The following PATJ variants were observed in gnomAD, a reference collection of about 807,000 sequenced individuals.
The protein encoded by PATJ is inaD-like protein.
A neutral mutation model predicts 224.9 loss-of-function variants in PATJ; 190 were observed. That is an observed-to-expected ratio of 0.84 (90% CI 0.75 to 0.95). The LOEUF (loss-of-function observed/expected upper bound fraction) is 0.95, where lower values mean the gene tolerates loss of function less well. Ranked by LOEUF, PATJ falls within the 40% of genes least tolerant of loss-of-function variation. The probability of loss-of-function intolerance (pLI) is 0.00; values close to 1 mark genes in which losing one functional copy is unlikely to be tolerated. For missense variants in PATJ, 2,121 were observed against 2,270.3 expected (o/e 0.93, Z 1.34); for synonymous variants, 769 against 820.3 (o/e 0.94, Z 1.07).
At chr1:62,063,843 C>T (rs1052812382) in intron 31 of PATJ, among the ~76,000 whole-genome samples, 2 of 152,078 alleles carry the variant, frequency 1.3e-5, no homozygotes, top group Admixed American at 6.6e-5. Flanking sequence ...GATTTTTGTT[C>T]ACTGATTTTG....
intron 9 of PATJ, among the ~76,000 whole-genome samples, chr1:61,792,604 C>T (rs1182161151): frequency 6.6e-6 from 1 of 151,758 alleles, no homozygotes; most frequent in Non-Finnish European, 1.5e-5. Flanking sequence ...GATCTTGGCT[C>T]ACTGCAACCT....
chr1:61,850,722 G>C (rs1360924054), intron 17 of PATJ, among the ~76,000 whole-genome samples: 2 of 152,204 alleles, frequency 1.3e-5, no homozygotes, highest in African/African-American at 4.8e-5. Flanking sequence ...TTCTGGCTCT[G>C]CCATTTACCA....
rs1254173506 is a variant in PATJ at position 61,813,368 on chromosome 1, TATATATATATAC to T, written c.1683+4840_1683+4851del. Among the ~76,000 whole-genome samples the T allele has an allele frequency of 1.0e-3, 47 of 46,134 alleles. 1 individual carries two copies. The highest frequency in any genetic ancestry group is 3.5e-3 in the African/African-American group (43 of 12,318). The allele number at this position is 46,134 out of a possible 152,430, so 30.3% of individuals were successfully genotyped here. On this transcript the variant is annotated intron_variant, in intron 14 of 43. Transcript: ENST00000642238. ...ATATATATATATATATATATATATA[TATATATATATAC>T]ACACACACACACACACACATACACA...
chr1:62,084,651 A>G lies in PATJ; in HGVS notation c.4377+3A>G. ...TGGGAGGAAAAGACACACCCTTGGTAAGTTTCTAGAAATAAAATGTATCCA... is the reference window on the plus strand; with the variant it reads ...TGGGAGGAAAAGACACACCCTTGGTGAGTTTCTAGAAATAAAATGTATCCA... On this transcript the variant is annotated splice_donor_region_variant and intron_variant, in intron 33 of 43. Transcript: ENST00000642238. 1 of 1,612,036 alleles carries G rather than the reference A, an allele frequency of 6.2e-7. No individual in the cohort carries two copies. Among genetic ancestry groups the G allele is most frequent in the East Asian group, 2.2e-5 (1 of 44,834 alleles).
chr1:62,012,243 A>T (rs1646497122), intron 28 of PATJ, among the ~76,000 whole-genome samples: 1 of 152,168 alleles, frequency 6.6e-6, no homozygotes, highest in African/African-American at 2.4e-5. Context: ...CATTCAGATG[A>T]TATGACCTCT....
chr1:62,127,934 A>G, intron 39 of PATJ, 38 bp from the exon 40 acceptor site: 2 of 1,610,594 alleles, frequency 1.2e-6, no homozygotes, highest in Non-Finnish European at 1.7e-6. Flanking sequence ...GTGGCTCTTT[A>G]TTAAATATAA....
chr1:62,131,468 G>A (rs890016963), intron 41 of PATJ, among the ~76,000 whole-genome samples: 4 of 152,086 alleles, frequency 2.6e-5, no homozygotes, highest in Non-Finnish European at 4.4e-5. Context: ...GTTCAGCTCT[G>A]TCTTCCTCAC....
At chr1:62,158,889 C>T (rs1395730129) in intron 43 of PATJ, among the ~76,000 whole-genome samples, 1 of 151,950 alleles carries the variant, frequency 6.6e-6, no homozygotes, top group African/African-American at 2.4e-5. Context: ...GTGGAGTTTG[C>T]AGTGAACCGA....
chr1:62,084,437 C>T, intron 32 of PATJ, 78 bp from the exon 33 acceptor site: 2 of 1,468,734 alleles, frequency 1.4e-6, no homozygotes, highest in South Asian at 1.4e-5. Context: ...GCAAGCCCCA[C>T]ACTCCCCACG....
intron 11 of PATJ, among the ~76,000 whole-genome samples, chr1:61,800,831 T>G (rs1313254118): frequency 2.0e-5 from 3 of 152,108 alleles, no homozygotes; most frequent in African/African-American, 4.8e-5. Context: ...CATGGTGGTG[T>G]TTGGTGTTCT....
intron 22 of PATJ, among the ~76,000 whole-genome samples, chr1:61,886,923 A>G (rs902552586): frequency 6.7e-6 from 1 of 150,310 alleles, no homozygotes; most frequent in African/African-American, 2.4e-5. Flanking sequence ...TGATGCAGCA[A>G]TGAGCTATAA....
chr1:62,022,364 G>T (rs1022458623), intron 29 of PATJ, among the ~76,000 whole-genome samples: 1 of 152,056 alleles, frequency 6.6e-6, no homozygotes, highest in Non-Finnish European at 1.5e-5. Context: ...TTAGATTTTG[G>T]ATAATCCTGG....
intron 7 of PATJ, among the ~76,000 whole-genome samples, chr1:61,781,947 A>G (rs939147084): frequency 7.2e-5 from 11 of 152,366 alleles, no homozygotes; most frequent in Admixed American, 5.9e-4. Flanking sequence ...AATTATGACC[A>G]CACATCTGAA....
chr1:62,082,240 G>A (rs1659375553), intron 32 of PATJ, among the ~76,000 whole-genome samples: 2 of 152,112 alleles, frequency 1.3e-5, no homozygotes, highest in South Asian at 4.1e-4. Flanking sequence ...TAACCAGGAG[G>A]CCTTTAGATT....
intron 1 of PATJ, among the ~76,000 whole-genome samples, chr1:61,762,337 CTTG>C (rs771727101): frequency 8.6e-5 from 13 of 151,770 alleles, no homozygotes; most frequent in Non-Finnish European, 1.3e-4. Flanking sequence ...GAGATTTATC[CTTG>C]TTGTGTGTAT....
chr1:62,017,729 C>CAAAAAA (rs58692636), intron 28 of PATJ, 127 bp from the exon 29 acceptor site: 32 of 324,310 alleles, frequency 9.9e-5, no homozygotes, highest in South Asian at 2.3e-4. Flanking sequence ...GAGACTGTCT[C>CAAAAAA]AAAAAAAAAA....
intron 25 of PATJ, among the ~76,000 whole-genome samples, chr1:61,913,222 T>C (rs1292860451): frequency 6.6e-6 from 1 of 152,086 alleles, no homozygotes; most frequent in Non-Finnish European, 1.5e-5. Context: ...TTTTTTTGTC[T>C]TTTTCTTTTT....
chr1:61,838,368 T>G (rs2148819209), intron 17 of PATJ, among the ~76,000 whole-genome samples: 1 of 151,760 alleles, frequency 6.6e-6, no homozygotes, highest in South Asian at 2.1e-4. Flanking sequence ...TTCTTTTTTT[T>G]TTTTGAGATG....
intron 33 of PATJ, among the ~76,000 whole-genome samples, chr1:62,106,182 A>ATATATATATC (rs1410706437): frequency 1.9e-4 from 20 of 108,078 alleles, no homozygotes; most frequent in African/African-American, 6.8e-4. Flanking sequence ...ATATATATAT[A>ATATATATATC]TATATGGCTG....
Sources: gnomAD v4.1 joint callset for allele counts (sites outside exome capture counted in the v4.1 genomes callset) on GRCh38, gnomAD v4.1.1 for gene constraint, MANE v1.5 for transcripts, NCBI Gene and HGNC (gene_info 2026-07-23, HGNC 2026-07-21) for gene names.